Variants in GALNT13 observed in about 807,000 individuals in gnomAD.
GALNT13 encodes polypeptide N-acetylgalactosaminyltransferase 13.
GALNT13 carries 28 observed loss-of-function variants against 64.2 expected under a neutral mutation model. That is an observed-to-expected ratio of 0.44 (90% CI 0.32 to 0.60). The LOEUF (loss-of-function observed/expected upper bound fraction) is 0.60, where lower values mean the gene tolerates loss of function less well. GALNT13 is among the 20% of genes least tolerant of loss of function. The pLI is 0.05. For synonymous variants in GALNT13, 214 were observed against 224.6 expected, an observed-to-expected ratio of 0.95 and a Z score of 0.42; for missense variants, 577 against 669.8, an observed-to-expected ratio of 0.86 and a Z score of 1.53.
intron 3 of GALNT13, among the ~76,000 whole-genome samples, chr2:154,118,921 G>T (rs1054962619): frequency 6.6e-6 from 1 of 151,938 alleles, no homozygotes; most frequent in Admixed American, 6.6e-5. Flanking sequence ...ATTTATTTTC[G>T]CTATAGTTGT....
At chr2:153,413,006 A>T in the GALNT13 span, among the ~76,000 whole-genome samples, 1 of 152,312 alleles carries the variant, frequency 6.6e-6, no homozygotes, top group South Asian at 2.1e-4. Flanking sequence ...TAGGAAGACC[A>T]TGAGGTATTA....
At chr2:153,501,476 C>T in the GALNT13 span, among the ~76,000 whole-genome samples, 118 of 152,164 alleles carry the variant, frequency 7.8e-4, no homozygotes, top group Middle Eastern at 3.4e-3. Flanking sequence ...GAATTACAGG[C>T]GCAAACCACC....
At chr2:153,670,782 T>C in the GALNT13 span, among the ~76,000 whole-genome samples, 1 of 152,140 alleles carries the variant, frequency 6.6e-6, no homozygotes, top group Non-Finnish European at 1.5e-5. Context: ...TCTAACCCAT[T>C]GCATGGAAGC....
chr2:153,631,984 C>G, the GALNT13 span, among the ~76,000 whole-genome samples: 1 of 152,058 alleles, frequency 6.6e-6, no homozygotes, highest in Non-Finnish European at 1.5e-5. Flanking sequence ...TCCCCTACCT[C>G]TTAGGATAAA....
At chr2:153,572,736 G>A in the GALNT13 span, among the ~76,000 whole-genome samples, 1 of 151,828 alleles carries the variant, frequency 6.6e-6, no homozygotes, top group Non-Finnish European at 1.5e-5. Flanking sequence ...TAATTTCTAT[G>A]TATTTGTATA....
At chr2:153,541,560 C>T in the GALNT13 span, among the ~76,000 whole-genome samples, 1 of 152,172 alleles carries the variant, frequency 6.6e-6, no homozygotes, top group Non-Finnish European at 1.5e-5. Context: ...ACAATTATTA[C>T]TCTAACCTTC....
intron 1 of GALNT13, among the ~76,000 whole-genome samples, chr2:153,877,936 G>A (rs1267082338): frequency 6.6e-6 from 1 of 152,100 alleles, no homozygotes; most frequent in Non-Finnish European, 1.5e-5. Context: ...GTATGTTACT[G>A]TTGCCATTGT....
At chr2:153,363,400 G>A in the GALNT13 span, among the ~76,000 whole-genome samples, 1 of 151,616 alleles carries the variant, frequency 6.6e-6, no homozygotes, top group Non-Finnish European at 1.5e-5. Flanking sequence ...AGAACTGAAG[G>A]AGATAGAGAC....
At chr2:153,484,562 T>A in the GALNT13 span, among the ~76,000 whole-genome samples, 1 of 152,170 alleles carries the variant, frequency 6.6e-6, no homozygotes, top group Non-Finnish European at 1.5e-5. Context: ...GTGTACCCGA[T>A]TTTTACTCCT....
the GALNT13 span, among the ~76,000 whole-genome samples, chr2:153,751,006 G>A: frequency 0.012 from 1,762 of 151,764 alleles, 43 homozygotes; most frequent in African/African-American, 0.04. Flanking sequence ...GGTATGTTTT[G>A]TTTCCATTGT....
chr2:153,290,517 C>A, the GALNT13 span, among the ~76,000 whole-genome samples: 8 of 152,146 alleles, frequency 5.3e-5, no homozygotes, highest in Non-Finnish European at 1.2e-4. Context: ...CATTATAGAT[C>A]ATCACTAAAC....
chr2:153,205,079 A>G, the GALNT13 span, among the ~76,000 whole-genome samples: 1 of 152,156 alleles, frequency 6.6e-6, no homozygotes, highest in African/African-American at 2.4e-5. Context: ...TTCTGAAGGG[A>G]ACATGATACT....
chr2:154,110,221 G>A (rs1020464785), intron 3 of GALNT13, among the ~76,000 whole-genome samples: 1 of 137,950 alleles, frequency 7.2e-6, no homozygotes, highest in Admixed American at 7.7e-5. Context: ...TATTTCCAAA[G>A]GTTTGGGGGA....
chr2:153,254,822 T>C, the GALNT13 span, among the ~76,000 whole-genome samples: 9,755 of 152,294 alleles, frequency 0.064, 373 homozygotes, highest in Middle Eastern at 0.17. Flanking sequence ...GATTACACTG[T>C]GGTCTGAGAG....
At chr2:154,425,689 T>A (rs9808145) in intron 11 of GALNT13, among the ~76,000 whole-genome samples, 19,989 of 152,126 alleles carry the variant, frequency 0.13, 1,471 homozygotes, top group African/African-American at 0.17. Context: ...AGAGTTCAAA[T>A]GAGGTTGGAA....
chr2:154,245,213 C>T (rs1483507180), intron 6 of GALNT13, among the ~76,000 whole-genome samples: 1 of 152,070 alleles, frequency 6.6e-6, no homozygotes, highest in African/African-American at 2.4e-5. Flanking sequence ...TACATGTAAA[C>T]TCTTAATTTG....
At chr2:153,256,271 C>T in the GALNT13 span, among the ~76,000 whole-genome samples, 1 of 152,056 alleles carries the variant, frequency 6.6e-6, no homozygotes, top group Admixed American at 6.5e-5. Flanking sequence ...GCTCCTGAGG[C>T]TTCTGCATTC....
chr2:153,884,884 C>T (rs918804137), intron 1 of GALNT13, among the ~76,000 whole-genome samples: 2 of 120,158 alleles, frequency 1.7e-5, no homozygotes, highest in South Asian at 5.6e-4. Context: ...CACACACACA[C>T]ATTTTTTAGC....
the GALNT13 span, among the ~76,000 whole-genome samples, chr2:153,078,233 ATTATT>A: frequency 6.1e-5 from 9 of 148,758 alleles, no homozygotes; most frequent in Admixed American, 6.7e-5. Flanking sequence ...TTATTTTTGT[ATTATT>A]TTCTATCAAC....
Sources: gnomAD v4.1 joint callset for allele counts (sites outside exome capture counted in the v4.1 genomes callset) on GRCh38, gnomAD v4.1.1 for gene constraint, MANE v1.5 for transcripts, NCBI Gene and HGNC (gene_info 2026-07-23, HGNC 2026-07-21) for gene names.